Variants in EGF observed in about 807,000 individuals in gnomAD.
The protein encoded by EGF is pro-epidermal growth factor.
Under a neutral mutation model 143.8 loss-of-function variants are expected in EGF, and 95 were observed. The observed-to-expected ratio is 0.66, with a 90% confidence interval of 0.56 to 0.78. The LOEUF is 0.78. Ranked by LOEUF, EGF falls within the 30% of genes least tolerant of loss-of-function variation. The pLI, the probability that EGF is intolerant of heterozygous loss-of-function variation, is 0.00. For synonymous variants in EGF, 510 were observed against 510.5 expected (o/e 1.00, Z 0.01); for missense variants, 1,320 against 1,470.9 (o/e 0.90, Z 1.68).
chr4:109,989,912 C>T (rs1287962063), intron 18 of EGF, among the ~76,000 whole-genome samples: 6 of 152,066 alleles, frequency 3.9e-5, no homozygotes, highest in African/African-American at 1.4e-4. Flanking sequence ...TCTCTCTCCC[C>T]CAGCTCACTC....
intron 3 of EGF, 122 bp downstream of exon 3, chr4:109,943,557 C>A: frequency 9.1e-7 from 1 of 1,103,528 alleles, no homozygotes; most frequent in Non-Finnish European, 1.3e-6. Context: ...TTTTGCAGCA[C>A]ACAGGCACCG....
At chr4:109,931,107 T>G (rs1739607330) in intron 1 of EGF, among the ~76,000 whole-genome samples, 1 of 152,246 alleles carries the variant, frequency 6.6e-6, no homozygotes, top group African/African-American at 2.4e-5. Context: ...ATCCACAGAC[T>G]GTACCACACA....
At position 109,913,035 on chromosome 4, in the gene EGF, G is replaced by A. The variant is rs1031775857; in HGVS notation, c.-301G>A. 2.7e-6 allele frequency: 1 copy of A among 369,984 alleles called. No homozygotes were observed. Among genetic ancestry groups the A allele is most frequent in the African/African-American group, 2.1e-5 (1 of 47,574 alleles). The allele number at this position is 369,984 out of a possible 1,614,324, so 22.9% of individuals were successfully genotyped here. A position where few individuals can be genotyped will look rare whatever the true frequency, so the allele number is the denominator to read the frequency against. On this transcript the variant is annotated 5_prime_UTR_variant, in exon 1 of 24. Coordinates refer to ENST00000265171, the MANE Select transcript of EGF (RefSeq NM_001963.6). ...CTCTGTCACAGTGAAGTCAGCCAGA[G>A]CAGGGCTGTTAAACTCTGTGAAATT...
rs747320674 is a variant in EGF at position 109,940,948 on chromosome 4, C to T, written c.130C>T (p.Pro44Ser). The change falls in exon 2 of 24, where the codon CCT becomes TCT. Residue 44 changes from proline (P) to serine (S), a missense_variant and splice_region_variant. Physicochemically the swap from Pro to Ser is moderately conservative, Grantham distance 74 (BLOSUM62 -1). Coordinates refer to ENST00000265171, the MANE Select transcript of EGF (RefSeq NM_001963.6). ...AGNGNSTCVG[P>S]APFLIFSHGN... ...TTGGTCTCTTTCTTCCCACCCAGGT[C>T]CTGCACCCTTCTTAATTTTCTCCCA... 1 of 1,613,984 alleles carries T rather than the reference C, an allele frequency of 6.2e-7. No individual in the cohort carries two copies. The highest frequency in any genetic ancestry group is 1.1e-5 in the South Asian group (1 of 91,064).
intron 19 of EGF, 61 bp from the exon 20 acceptor site, chr4:109,994,669 ATAT>A (rs1751516207): frequency 6.4e-7 from 1 of 1,561,254 alleles, no homozygotes; most frequent in East Asian, 2.2e-5. Flanking sequence ...CTAGTTCCTC[ATAT>A]TGATACTTGA....
At chr4:109,970,515 C>A (rs1258563214) in intron 11 of EGF, among the ~76,000 whole-genome samples, 1 of 152,066 alleles carries the variant, frequency 6.6e-6, no homozygotes, top group Non-Finnish European at 1.5e-5. Flanking sequence ...CATTTTGTGT[C>A]CTAGAAATAT....
intron 17 of EGF, among the ~76,000 whole-genome samples, 157 bp downstream of exon 17, chr4:109,988,017 A>G (rs1230370690): frequency 2.0e-5 from 3 of 152,202 alleles, no homozygotes; most frequent in Non-Finnish European, 2.9e-5. Context: ...AATGACATGC[A>G]TAGAAAATGA....
chr4:109,949,412 A>G (rs369321774), intron 5 of EGF, among the ~76,000 whole-genome samples: 2 of 152,324 alleles, frequency 1.3e-5, no homozygotes, highest in South Asian at 2.1e-4. Flanking sequence ...CTTAGGGGAA[A>G]AAACCTTTCG....
intron 15 of EGF, among the ~76,000 whole-genome samples, chr4:109,982,163 ATTTAT>A (rs1749470888): frequency 6.7e-6 from 1 of 150,000 alleles, no homozygotes. Context: ...TAAATTATTA[ATTTAT>A]TTTATTTTAT....
chr4:109,983,101 C>T (rs1447591462), intron 15 of EGF, among the ~76,000 whole-genome samples: 1 of 152,132 alleles, frequency 6.6e-6, no homozygotes, highest in Non-Finnish European at 1.5e-5. Context: ...TAACCGTGGG[C>T]TGTGATTATG....
chr4:109,935,566 C>T (rs1740622808), intron 1 of EGF, among the ~76,000 whole-genome samples: 1 of 152,074 alleles, frequency 6.6e-6, no homozygotes, highest in South Asian at 2.1e-4. Flanking sequence ...GCCTGATTGC[C>T]CTGGCCAGAA....
In EGF at chr4:110,013,279, C is replaced by G. The variant is rs1227094875; in HGVS notation, c.*1824C>G. ...AGATTAAATTTTTGTATTTTAGCAC[C>G]TTTTTCTTTTAGGGGTTCAATGATG... On this transcript the variant is annotated 3_prime_UTR_variant, in exon 24 of 24. Coordinates refer to ENST00000265171, the MANE Select transcript of EGF (RefSeq NM_001963.6). Among the ~76,000 whole-genome samples the G allele has an allele frequency of 6.6e-6, 1 of 152,058 alleles. No homozygotes were observed. The highest frequency in any genetic ancestry group is 1.9e-4 in the East Asian group (1 of 5,188).
At position 109,976,209 on chromosome 4, in the gene EGF, G is replaced by T. The variant is rs1411426888; in HGVS notation, c.2027G>T (p.Arg676Leu). The change falls in exon 13 of 24, where the codon CGC becomes CTC. Residue 676 changes from arginine to leucine, a missense_variant. Arg to Leu is a moderately radical substitution (Grantham distance 102). Around this residue, in one of 5 missense-constraint regions of EGF, gnomAD observed 1,186 missense variants for 1,313.7 expected, o/e 0.90. Transcript: ENST00000265171. ...IEMANLDGSK[R>L]RRLTQNDVGH... ...ATGGCCAATCTGGATGGTTCAAAACGCCGAAGACTTACCCAGAATGATGTA... is the reference window on the plus strand; with the variant it reads ...ATGGCCAATCTGGATGGTTCAAAACTCCGAAGACTTACCCAGAATGATGTA... 6.2e-7 allele frequency: 1 copy of T among 1,614,000 alleles called. No homozygotes were observed. Among genetic ancestry groups the T allele is most frequent in the Non-Finnish European group, 8.5e-7 (1 of 1,179,982 alleles).
At chr4:109,954,344 G>A (rs542121806) in intron 5 of EGF, among the ~76,000 whole-genome samples, 47 of 152,260 alleles carry the variant, frequency 3.1e-4, no homozygotes, top group African/African-American at 1.1e-3. Flanking sequence ...GAGCCACTGC[G>A]CCTGGCCAAA....
At chr4:109,926,829 A>G (rs954800978) in intron 1 of EGF, among the ~76,000 whole-genome samples, 1 of 152,244 alleles carries the variant, frequency 6.6e-6, no homozygotes, top group African/African-American at 2.4e-5. Context: ...TGAGAAAGTG[A>G]CCACTAATTA....
At chr4:109,959,499 A>G (rs1745349137) in intron 6 of EGF, 62 bp downstream of exon 6, 2 of 1,610,314 alleles carry the variant, frequency 1.2e-6, no homozygotes, top group Non-Finnish European at 1.7e-6. Flanking sequence ...AGGAATGCTC[A>G]ACTGAGCCAG....
intron 5 of EGF, among the ~76,000 whole-genome samples, chr4:109,951,802 C>T (rs1023494852): frequency 6.6e-6 from 1 of 152,136 alleles, no homozygotes; most frequent in Admixed American, 6.5e-5. Context: ...ACTCTATTAT[C>T]TATCATTTCA....
chr4:109,986,761 C>A (rs915366432), intron 16 of EGF, among the ~76,000 whole-genome samples: 2 of 148,130 alleles, frequency 1.4e-5, no homozygotes, highest in Admixed American at 6.7e-5. Flanking sequence ...AAAAAAAAAA[C>A]CTGCTCATGT....
At chr4:109,940,862 G>C in intron 1 of EGF, 84 bp from the exon 2 acceptor site, 1 of 1,313,090 alleles carries the variant, frequency 7.6e-7, no homozygotes, top group Admixed American at 1.7e-5. Context: ...ATTTCTGCTT[G>C]TGTTGGTTGT....
Sources: gnomAD v4.1 joint callset for allele counts (sites outside exome capture counted in the v4.1 genomes callset) on GRCh38, gnomAD v4.1.1 for gene constraint, gnomAD v4.1.1 regional missense constraint, MANE v1.5 for transcripts, NCBI Gene and HGNC (gene_info 2026-07-23, HGNC 2026-07-21) for gene names.